Variants in HERPUD2 observed in about 807,000 individuals in gnomAD.
HERPUD2 encodes the protein homocysteine-responsive endoplasmic reticulum-resident ubiquitin-like domain member 2 protein.
HERPUD2 carries 13 observed loss-of-function variants against 49.9 expected under a neutral mutation model. That is an observed-to-expected ratio of 0.26 (90% confidence interval 0.17 to 0.41). HERPUD2 has a LOEUF of 0.41. Ranked by LOEUF, HERPUD2 falls within the 10% of genes least tolerant of loss-of-function variation. The pLI is 1.00. For synonymous variants in HERPUD2, 172 were observed against 171.4 expected (o/e 1.00, Z -0.03); for missense variants, 449 against 492.2 (o/e 0.91, Z 0.83).
At chr7:35,674,182 A>G (rs1177100928) in intron 2 of HERPUD2, among the ~76,000 whole-genome samples, 11 of 151,738 alleles carry the variant, frequency 7.2e-5, no homozygotes, top group Non-Finnish European at 1.6e-4. Context: ...AGAAATTATC[A>G]TACTAAGATC....
At chr7:35,652,537 CA>C (rs1309348588) in intron 5 of HERPUD2, among the ~76,000 whole-genome samples, 1 of 151,000 alleles carries the variant, frequency 6.6e-6, no homozygotes, top group African/African-American at 2.4e-5. Context: ...AGAAACCTTA[CA>C]GGCCAGGAGA....
chr7:35,660,533 G>C (rs1785391649), intron 5 of HERPUD2, among the ~76,000 whole-genome samples: 1 of 152,146 alleles, frequency 6.6e-6, no homozygotes, highest in African/African-American at 2.4e-5. Flanking sequence ...ATCCTCTCCA[G>C]CACCTGTTGT....
At position 35,640,695 on chromosome 7, in the gene HERPUD2, G is replaced by A. The variant is rs1784955171; in HGVS notation, c.495-2223C>T. Among the ~76,000 whole-genome samples, 4 of 152,126 alleles carry A rather than the reference G, an allele frequency of 2.6e-5. No homozygotes were observed. In the South Asian group the frequency reaches 6.2e-4, roughly 24 times the overall value. On this transcript the variant is annotated intron_variant, in intron 5 of 8. Coordinates refer to ENST00000311350, the MANE Select transcript of HERPUD2 (RefSeq NM_022373.5). The stretch of plus-strand genomic sequence containing the variant: ...GCATTTGGTATTCTCCAGAAACAAG[G>A]AATAAAGGATCTGATGCTAAATTAT...
Position 35,694,544 on chromosome 7 carries a change from C to G in HERPUD2, c.-214G>C. On this transcript the variant is annotated 5_prime_UTR_variant, in exon 2 of 9. Coordinates refer to ENST00000311350, the MANE Select transcript of HERPUD2 (RefSeq NM_022373.5). ...CGACTGCGACGGTGGGGTCTGGGTG[C>G]CCGGCCGTGGAGGCAGCTCTCCCCG... 1.7e-6 allele frequency: 1 copy of G among 575,372 alleles called. No homozygotes were observed. The highest frequency in any genetic ancestry group is 2.1e-5 in the South Asian group (1 of 47,272). 35.6% of individuals were successfully genotyped at this position (575,372 alleles called of 1,614,324 possible).
At chr7:35,689,931 T>G (rs143083539) in intron 2 of HERPUD2, among the ~76,000 whole-genome samples, 51 of 152,284 alleles carry the variant, frequency 3.3e-4, no homozygotes, top group African/African-American at 1.2e-3. Flanking sequence ...AGAACAGATA[T>G]AGTAAGAGAA....
Position 35,635,174 on chromosome 7 carries a change from C to G in HERPUD2, c.902G>C (p.Arg301Pro), listed in dbSNP as rs1407087419. 6.2e-7 allele frequency: 1 copy of G among 1,613,954 alleles called. No individual in the cohort carries two copies. Among genetic ancestry groups the G allele is most frequent in the African/African-American group, 1.3e-5 (1 of 74,994 alleles). The change falls in exon 7 of 9, where the codon CGG (arginine) becomes CCG (proline). Residue 301 changes from arginine to proline, a missense_variant. Coordinates refer to ENST00000311350, the MANE Select transcript of HERPUD2 (RefSeq NM_022373.5). ...SIVYFYSSFSRFIMVMGAMLL... is the reference protein window; with the variant it reads ...SIVYFYSSFSPFIMVMGAMLL... ...CATGGCTCCCATTACCATGATAAAC[C>G]GACTAAAAGAAGAATAGAAGTATAC... is the stretch of plus-strand genomic sequence containing the variant.
At chr7:35,635,055 A>C in intron 7 of HERPUD2, 80 bp downstream of exon 7, 1 of 1,035,928 alleles carries the variant, frequency 9.7e-7, no homozygotes, top group East Asian at 2.5e-5. Flanking sequence ...CTCAACATTC[A>C]CAACAGACTA....
intron 5 of HERPUD2, among the ~76,000 whole-genome samples, chr7:35,643,485 C>T (rs1427996824): frequency 6.6e-6 from 1 of 152,032 alleles, no homozygotes; most frequent in Non-Finnish European, 1.5e-5. Flanking sequence ...TCTCTCTACT[C>T]CTATGGAGTG....
At chr7:35,635,588 C>T (rs1373701596) in intron 6 of HERPUD2, 130 bp from the exon 7 acceptor site, 3 of 742,034 alleles carry the variant, frequency 4.0e-6, no homozygotes, top group Non-Finnish European at 6.4e-6. Flanking sequence ...TCCTGCACCA[C>T]ATTTCTTAGG....
intron 6 of HERPUD2, 45 bp downstream of exon 6, chr7:35,638,305 A>T (rs1784903821): frequency 6.6e-7 from 1 of 1,522,008 alleles, no homozygotes; most frequent in African/African-American, 1.4e-5. Flanking sequence ...AAATAAAGCA[A>T]ATAACACACT....
At chr7:35,642,399 G>A (rs1343207081) in intron 5 of HERPUD2, among the ~76,000 whole-genome samples, 1 of 152,168 alleles carries the variant, frequency 6.6e-6, no homozygotes, top group African/African-American at 2.4e-5. Context: ...AAAGCAGAGT[G>A]GTGATTCCTC....
chr7:35,682,379 A>ACT (rs1785934173), intron 2 of HERPUD2, among the ~76,000 whole-genome samples: 1 of 139,546 alleles, frequency 7.2e-6, no homozygotes, highest in Non-Finnish European at 1.5e-5. Context: ...ATATATATAT[A>ACT]TATATATACT....
intron 5 of HERPUD2, among the ~76,000 whole-genome samples, chr7:35,646,878 G>C (rs1279937365): frequency 1.3e-5 from 2 of 151,812 alleles, no homozygotes; most frequent in East Asian, 3.9e-4. Flanking sequence ...TTTTCAGATC[G>C]GCTATACTAG....
chr7:35,681,972 G>A (rs73340341), intron 2 of HERPUD2, among the ~76,000 whole-genome samples: 4,376 of 152,042 alleles, frequency 0.029, 185 homozygotes, highest in African/African-American at 0.098. Context: ...TACTTTAAAG[G>A]GCAAATTTTA....
intron 5 of HERPUD2, among the ~76,000 whole-genome samples, chr7:35,640,810 C>T (rs1341324672): frequency 6.6e-6 from 1 of 152,104 alleles, no homozygotes; most frequent in Non-Finnish European, 1.5e-5. Context: ...CATTAAACAA[C>T]AAGTTAAAGA....
At position 35,682,361 on chromosome 7, in the gene HERPUD2, A is replaced by ATGTG. The variant is rs1483073858; in HGVS notation, c.148-9084_148-9083insCACA. Among the ~76,000 whole-genome samples, 10 of 40,170 alleles carry ATGTG rather than the reference A, an allele frequency of 2.5e-4. 1 individual carries two copies. Among genetic ancestry groups the ATGTG allele is most frequent in the African/African-American group, 7.6e-4 (10 of 13,148 alleles). The allele number at this position is 40,170 out of a possible 152,430, so 26.4% of individuals were successfully genotyped here. A position where few individuals can be genotyped will look rare whatever the true frequency, so the allele number is the denominator to read the frequency against. ...TGTGTGTGTGTGTGTGTGTGTGTAT[A>ATGTG]TATATATATATATATATATATATAT... is the stretch of plus-strand genomic sequence containing the variant. On this transcript the variant is annotated intron_variant, in intron 2 of 8. Coordinates refer to ENST00000311350, the MANE Select transcript of HERPUD2 (RefSeq NM_022373.5).
rs2087813324 is a variant in HERPUD2, at chr7:35,691,875, ATTC to A, written c.147+2306_147+2308del. ...TCAACAACTGTGATGCTTCAAATCAATTCTCACGTGATAAGAATGTAAACTTAC... is the reference window on the plus strand; with the variant it reads ...TCAACAACTGTGATGCTTCAAATCAATCACGTGATAAGAATGTAAACTTAC... On this transcript the variant is annotated intron_variant, in intron 2 of 8. Coordinates refer to ENST00000311350, the MANE Select transcript of HERPUD2 (RefSeq NM_022373.5). 5.3e-5 allele frequency among the ~76,000 whole-genome samples: 8 copies of A among 152,304 alleles called. No individual in the cohort carries two copies. In the South Asian group the frequency reaches 1.7e-3, roughly 32 times the overall value.
At chr7:35,679,918 T>TGCCTC (rs1306017590) in intron 2 of HERPUD2, among the ~76,000 whole-genome samples, 1 of 152,214 alleles carries the variant, frequency 6.6e-6, no homozygotes, top group Non-Finnish European at 1.5e-5. Flanking sequence ...TCTTTTGCCT[T>TGCCTC]GCCTCCCATA....
At chr7:35,673,360 T>A (rs1785684984) in intron 2 of HERPUD2, 82 bp from the exon 3 acceptor site, 1 of 1,053,798 alleles carries the variant, frequency 9.5e-7, no homozygotes, top group Admixed American at 2.1e-5. Context: ...TAATTATGGG[T>A]AAAATAAAAC....
Sources: allele counts gnomAD v4.1 joint callset (sites outside exome capture counted in the v4.1 genomes callset), GRCh38; gene constraint gnomAD v4.1.1; transcripts MANE v1.5; gene names NCBI Gene and HGNC (gene_info 2026-07-23, HGNC 2026-07-21).